The following TGS1 variants were observed in gnomAD, a reference collection of about 807,000 sequenced individuals.
TGS1 encodes trimethylguanosine synthase 1, also known as trimethylguanosine synthase.
A neutral mutation model predicts 92.2 loss-of-function variants in TGS1; 69 were observed. That is an observed-to-expected ratio of 0.75 (90% CI 0.62 to 0.91). The LOEUF (loss-of-function observed/expected upper bound fraction) is 0.91. TGS1 is among the 40% of genes least tolerant of loss of function. The probability of loss-of-function intolerance (pLI) is 0.00; values close to 1 mark genes in which losing one functional copy is unlikely to be tolerated. For missense variants in TGS1, 1,062 were observed against 1,001.2 expected (o/e 1.06, Z -0.82); for synonymous variants, 345 against 338.1 (o/e 1.02, Z -0.22).
At chr8:55,811,906 A>G (rs1051658250) in intron 11 of TGS1, among the ~76,000 whole-genome samples, 1 of 152,212 alleles carries the variant, frequency 6.6e-6, no homozygotes, top group African/African-American at 2.4e-5. Context: ...ATATGAGGTC[A>G]TATTTCCGTT....
Position 55,786,922 on chromosome 8 carries a change from C to CAT in TGS1, c.1025_1026dup (p.Asp343MetfsTer7). On this transcript the variant is annotated frameshift_variant, in exon 4 of 13. Transcript: ENST00000260129. LOFTEE classifies it high-confidence loss of function. ...GAGCCAATTAGATTCCTGTACAAGT[C>CAT]ATGATGGTCATCAACAGCTAAGTGA... 1 of 1,614,128 alleles carries CAT rather than the reference C, an allele frequency of 6.2e-7. No homozygotes were observed. Among genetic ancestry groups the CAT allele is most frequent in the East Asian group, 2.2e-5 (1 of 44,876 alleles).
At chr8:55,774,563 CT>C (rs1261062480) in intron 1 of TGS1, among the ~76,000 whole-genome samples, 1 of 151,784 alleles carries the variant, frequency 6.6e-6, no homozygotes, top group Non-Finnish European at 1.5e-5. Flanking sequence ...GTATTGTCGC[CT>C]TTTTAGTCAG....
chr8:55,797,069 G>A (rs183999306), intron 7 of TGS1, among the ~76,000 whole-genome samples: 1 of 152,306 alleles, frequency 6.6e-6, no homozygotes, highest in East Asian at 1.9e-4. Context: ...CTAGGTAGGT[G>A]TATTAGTCTG....
intron 10 of TGS1, among the ~76,000 whole-genome samples, chr8:55,805,771 C>T (rs1221117239): frequency 6.6e-6 from 1 of 151,190 alleles, no homozygotes; most frequent in Admixed American, 6.6e-5. Context: ...GTAATCCCAG[C>T]TACAGGAGGC....
rs1211952289 is a variant in TGS1 at position 55,805,001 on chromosome 8, G to A, written c.2108G>A (p.Gly703Glu). The A allele has an allele frequency of 1.9e-6, 3 of 1,613,854 alleles. No individual in the cohort carries two copies. Among genetic ancestry groups the A allele is most frequent in the Non-Finnish European group, 2.5e-6 (3 of 1,179,910 alleles). Residue 703 changes from glycine (G) to glutamate (E), a missense_variant, in exon 10 of 13, where the codon GGA becomes GAA. Gly to Glu is a moderately conservative substitution (Grantham distance 98). Coordinates refer to ENST00000260129, the MANE Select transcript of TGS1 (RefSeq NM_024831.8). ...GTAGACGCATTCTGTGGAGTTGGAG[G>A]AAATACCATTCAGTTTGCCTTAACA... ...VVVDAFCGVG[G>E]NTIQFALTGM...
At chr8:55,819,351 C>T (rs1039291333) in intron 12 of TGS1, among the ~76,000 whole-genome samples, 1 of 131,406 alleles carries the variant, frequency 7.6e-6, no homozygotes, top group African/African-American at 3.0e-5. Context: ...GGCTGGAGTG[C>T]AATGGCCTGA....
At chr8:55,773,761 T>C (rs1811291601) in intron 1 of TGS1, 42 bp downstream of exon 1, 2 of 1,509,308 alleles carry the variant, frequency 1.3e-6, no homozygotes, top group Non-Finnish European at 1.8e-6. Context: ...AGCACAGTCA[T>C]TACCCAGAAA....
At chr8:55,782,040 A>G (rs1811579181) in intron 1 of TGS1, among the ~76,000 whole-genome samples, 1 of 152,220 alleles carries the variant, frequency 6.6e-6, no homozygotes, top group South Asian at 2.1e-4. Context: ...ATATTGATTT[A>G]TATGTATGTA....
intron 5 of TGS1, among the ~76,000 whole-genome samples, chr8:55,792,475 C>CT (rs1421486199): frequency 1.2e-4 from 18 of 152,154 alleles, no homozygotes; most frequent in Non-Finnish European, 1.9e-4. Context: ...TGAATTAAGA[C>CT]TGGAATACTT....
intron 12 of TGS1, among the ~76,000 whole-genome samples, chr8:55,823,410 C>T (rs913442701): frequency 8.5e-5 from 13 of 152,152 alleles, no homozygotes; most frequent in African/African-American, 2.9e-4. Flanking sequence ...GGGGAGGGAG[C>T]AATGCTTTCA....
intron 1 of TGS1, among the ~76,000 whole-genome samples, chr8:55,776,280 T>C (rs1811395281): frequency 6.8e-6 from 1 of 147,480 alleles, no homozygotes; most frequent in Non-Finnish European, 1.5e-5. Context: ...ACGGTGTCTT[T>C]TTTTTTTTTT....
At chr8:55,812,937 A>G (rs1409044799) in intron 11 of TGS1, 103 bp from the exon 12 acceptor site, 2 of 890,896 alleles carry the variant, frequency 2.2e-6, no homozygotes, top group Non-Finnish European at 3.5e-6. Context: ...TTTGCCTTTT[A>G]GTTACATTTT....
intron 5 of TGS1, among the ~76,000 whole-genome samples, chr8:55,790,843 C>T (rs1022527855): frequency 3.9e-5 from 6 of 152,166 alleles, no homozygotes; most frequent in Non-Finnish European, 8.8e-5. Flanking sequence ...AATTTCTCAT[C>T]TATAAGATTG....
chr8:55,803,131 GT>G (rs1247752343), intron 9 of TGS1, among the ~76,000 whole-genome samples: 3 of 129,898 alleles, frequency 2.3e-5, no homozygotes, highest in African/African-American at 1.0e-4. Flanking sequence ...ATTTGGGGGG[GT>G]GTGTGTGTGT....
chr8:55,795,134 A>G (rs891392495), intron 6 of TGS1, among the ~76,000 whole-genome samples: 1 of 152,206 alleles, frequency 6.6e-6, no homozygotes, highest in African/African-American at 2.4e-5. Flanking sequence ...GGCAGGATGT[A>G]TTACTATGCA....
intron 6 of TGS1, among the ~76,000 whole-genome samples, chr8:55,793,958 A>G (rs879838846): frequency 6.6e-6 from 1 of 151,788 alleles, no homozygotes; most frequent in Admixed American, 6.6e-5. Flanking sequence ...AAACAGAAAA[A>G]TTAGGTCATA....
chr8:55,810,898 G>A lies in TGS1; in HGVS notation c.2161G>A (p.Asp721Asn), dbSNP rs1484577210. ...ACTTTTAGTGATTGCCATTGATATC[G>A]ATCCTGTTAAGATTGCCCTTGCTCG... ...TGMRVIAIDIDPVKIALARNN... is the reference protein window; with the variant it reads ...TGMRVIAIDINPVKIALARNN... Residue 721 changes from aspartate to asparagine, a missense_variant, in exon 11 of 13, where the codon GAT becomes AAT. Physicochemically the swap from Asp to Asn is conservative, Grantham distance 23. Coordinates refer to ENST00000260129, the MANE Select transcript of TGS1 (RefSeq NM_024831.8). The A allele has an allele frequency of 7.4e-6, 12 of 1,613,578 alleles. No individual in the cohort carries two copies. Among genetic ancestry groups the A allele is most frequent in the South Asian group, 5.5e-5 (5 of 91,056 alleles).
Position 55,786,331 on chromosome 8 carries a change from G to A in TGS1, c.433G>A (p.Glu145Lys), listed in dbSNP as rs1811708281. The change falls in exon 4 of 13, where the codon GAA becomes AAA. Residue 145 changes from glutamate (E) to lysine (K), a missense_variant. Glu to Lys is a moderately conservative substitution (Grantham distance 56). Transcript: ENST00000260129. ...DEIVQESWRK[E>K]YEEDDILASD... is the part of the protein sequence containing the mutation. ...AATTGTGCAAGAATCTTGGAGAAAA[G>A]AATATGAAGAAGACGACATTTTGGC... 6.2e-7 allele frequency: 1 copy of A among 1,608,170 alleles called. No individual in the cohort carries two copies. Among genetic ancestry groups the A allele is most frequent in the East Asian group, 2.2e-5 (1 of 44,838 alleles).
chr8:55,826,308 A>G lies in TGS1; in HGVS notation c.*1605A>G, dbSNP rs1284860310. On this transcript the variant is annotated 3_prime_UTR_variant, in exon 13 of 13. Coordinates refer to ENST00000260129, the MANE Select transcript of TGS1 (RefSeq NM_024831.8). ...ACTTGTATATTAATAAAGCTAACTC[A>G]TCTTCCTGAATATACATGATTTTAC... Among the ~76,000 whole-genome samples the G allele has an allele frequency of 6.6e-6, 1 of 152,138 alleles. No individual in the cohort carries two copies. Among genetic ancestry groups the G allele is most frequent in the Non-Finnish European group, 1.5e-5 (1 of 68,028 alleles).
Sources: allele counts gnomAD v4.1 joint callset (sites outside exome capture counted in the v4.1 genomes callset), GRCh38; gene constraint gnomAD v4.1.1; transcripts MANE v1.5; gene names NCBI Gene and HGNC (gene_info 2026-07-23, HGNC 2026-07-21).